The following GNAQ variants were observed in gnomAD, a reference collection of about 807,000 sequenced individuals.
The protein encoded by GNAQ is guanine nucleotide-binding protein G(q) subunit alpha.
GNAQ carries 8 observed loss-of-function variants against 43.9 expected under a neutral mutation model. The observed-to-expected ratio is 0.18, with a 90% CI of 0.11 to 0.33. The LOEUF is 0.33. Among genes scored for constraint, GNAQ ranks in the 10% least tolerant of loss-of-function variants. The pLI is 1.00. For synonymous variants in GNAQ, 155 were observed against 170.7 expected (o/e 0.91, Z 0.71); for missense variants, 158 against 450.8 (o/e 0.35, Z 5.88).
intron 1 of GNAQ, among the ~76,000 whole-genome samples, chr9:78,023,864 A>C (rs751561897): frequency 4.2e-5 from 6 of 143,678 alleles, no homozygotes; most frequent in East Asian, 3.9e-4. Flanking sequence ...TAACAGAGCC[A>C]AAAAGTCTGG....
chr9:77,872,826 C>T (rs958925962), intron 2 of GNAQ, among the ~76,000 whole-genome samples: 1 of 152,188 alleles, frequency 6.6e-6, no homozygotes, highest in Non-Finnish European at 1.5e-5. Flanking sequence ...CTTAAGTACA[C>T]ATAGAAACCA....
chr9:77,934,263 T>C lies in GNAQ; in HGVS notation c.137-11918A>G, dbSNP rs549069083. Among the ~76,000 whole-genome samples, 11 of 152,148 alleles carry C rather than the reference T, an allele frequency of 7.2e-5. No homozygotes were observed. In the East Asian group the frequency reaches 1.9e-3, roughly 27 times the overall value. ...CTCAAGGGTTCTCTCCAGCGTTGGA[T>C]TTTATGATCATTTTCCCTCTCTCTA... On this transcript the variant is annotated intron_variant, in intron 1 of 6. Transcript: ENST00000286548.
chr9:77,970,591 G>A (rs538499736), intron 1 of GNAQ, among the ~76,000 whole-genome samples: 29 of 152,262 alleles, frequency 1.9e-4, no homozygotes, highest in African/African-American at 7.0e-4. Flanking sequence ...TGAAACCAAT[G>A]AGAACAAAGA....
intron 2 of GNAQ, among the ~76,000 whole-genome samples, chr9:77,816,340 C>T (rs1827014449): frequency 6.6e-6 from 1 of 152,142 alleles, no homozygotes; most frequent in African/African-American, 2.4e-5. Flanking sequence ...TACCCCTCCA[C>T]TCTTATGCAC....
chr9:77,846,125 C>T (rs541129912), intron 2 of GNAQ, among the ~76,000 whole-genome samples: 36 of 152,302 alleles, frequency 2.4e-4, no homozygotes, highest in South Asian at 6.2e-4. Context: ...TGTTTGGCCA[C>T]GGTCTGTTGA....
intron 1 of GNAQ, among the ~76,000 whole-genome samples, chr9:78,003,187 A>C (rs1823664392): frequency 6.6e-6 from 1 of 152,202 alleles, no homozygotes; most frequent in Non-Finnish European, 1.5e-5. Flanking sequence ...AATATAAAGG[A>C]GAATGTCCAA....
chr9:78,018,703 C>T (rs547428154), intron 1 of GNAQ, among the ~76,000 whole-genome samples: 42 of 152,110 alleles, frequency 2.8e-4, no homozygotes, highest in African/African-American at 9.9e-4. Context: ...TTACAAACAA[C>T]CAAACCACCA....
chr9:78,031,061 G>C (rs758313753), intron 1 of GNAQ, 39 bp downstream of exon 1: 5 of 1,379,194 alleles, frequency 3.6e-6, no homozygotes, highest in Non-Finnish European at 3.8e-6. Context: ...TGGTGGGCTG[G>C]GGGCGCAGAG....
intron 2 of GNAQ, among the ~76,000 whole-genome samples, chr9:77,903,078 T>A (rs1032575962): frequency 3.3e-5 from 5 of 152,226 alleles, no homozygotes; most frequent in Admixed American, 3.3e-4. Flanking sequence ...GCCTGGTATC[T>A]CAGCTAATCA....
chr9:77,876,821 T>C (rs1331979459), intron 2 of GNAQ, among the ~76,000 whole-genome samples: 1 of 152,118 alleles, frequency 6.6e-6, no homozygotes, highest in East Asian at 1.9e-4. Context: ...GAGAAAGCAT[T>C]TAAAAACTGG....
At chr9:78,028,146 T>C (rs1388091154) in intron 1 of GNAQ, among the ~76,000 whole-genome samples, 8 of 152,202 alleles carry the variant, frequency 5.3e-5, no homozygotes, top group Admixed American at 5.2e-4. Flanking sequence ...AAGTATGCTC[T>C]TGTATATCTA....
intron 5 of GNAQ, among the ~76,000 whole-genome samples, chr9:77,733,397 G>C (rs1006241029): frequency 6.6e-6 from 1 of 152,160 alleles, no homozygotes; most frequent in Admixed American, 6.5e-5. Flanking sequence ...TTCTGGCCTG[G>C]CATTCACAGC....
At chr9:78,028,981 A>G (rs1321776090) in intron 1 of GNAQ, among the ~76,000 whole-genome samples, 1 of 152,222 alleles carries the variant, frequency 6.6e-6, no homozygotes, top group Admixed American at 6.5e-5. Flanking sequence ...ATAAGAGGAA[A>G]AAAAAGTTCT....
At chr9:77,833,389 T>C (rs1827333025) in intron 2 of GNAQ, among the ~76,000 whole-genome samples, 1 of 152,236 alleles carries the variant, frequency 6.6e-6, no homozygotes, top group Non-Finnish European at 1.5e-5. Context: ...TGAATGCCTG[T>C]GTTTCAGGTA....
At chr9:77,912,253 T>C (rs1828820228) in intron 2 of GNAQ, among the ~76,000 whole-genome samples, 1 of 152,148 alleles carries the variant, frequency 6.6e-6, no homozygotes, top group Non-Finnish European at 1.5e-5. Flanking sequence ...AACTCAAACA[T>C]ATACATTCAC....
chr9:77,985,124 C>T (rs1382107448), intron 1 of GNAQ, among the ~76,000 whole-genome samples: 3 of 152,120 alleles, frequency 2.0e-5, no homozygotes, highest in Non-Finnish European at 4.4e-5. Context: ...TCCTGGCTAA[C>T]ATGGTGAAAC....
intron 3 of GNAQ, among the ~76,000 whole-genome samples, chr9:77,807,847 G>A (rs1826852191): frequency 6.6e-6 from 1 of 152,088 alleles, no homozygotes; most frequent in Non-Finnish European, 1.5e-5. Flanking sequence ...TAGGACTTTT[G>A]GACCATATGA....
At chr9:77,721,538 C>T (rs554382469) in intron 6 of GNAQ, 25 bp from the exon 7 acceptor site, 25 of 1,410,396 alleles carry the variant, frequency 1.8e-5, no homozygotes, top group Middle Eastern at 1.8e-4. Context: ...ACAAGAGGGA[C>T]ACTTTGTTAC....
intron 5 of GNAQ, among the ~76,000 whole-genome samples, chr9:77,765,895 C>G (rs906889983): frequency 1.3e-5 from 2 of 152,158 alleles, no homozygotes; most frequent in Non-Finnish European, 1.5e-5. Flanking sequence ...GAATATTATT[C>G]AACCCTGAAA....
Sources: gnomAD v4.1 joint callset for allele counts (sites outside exome capture counted in the v4.1 genomes callset) on GRCh38, gnomAD v4.1.1 for gene constraint, MANE v1.5 for transcripts, NCBI Gene and HGNC (gene_info 2026-07-23, HGNC 2026-07-21) for gene names.